Variants in NBPF11 observed in about 807,000 individuals in gnomAD.
NBPF11 encodes NBPF member 11.
In NBPF11, 72 loss-of-function variants were observed where a neutral mutation model predicts 93.9. The observed-to-expected ratio is 0.77, with a 90% CI of 0.63 to 0.93. NBPF11 has a LOEUF of 0.93. NBPF11 is among the 40% of genes least tolerant of loss of function. The pLI is 0.00. For missense variants in NBPF11, 705 were observed against 802.2 expected, an observed-to-expected ratio of 0.88 and a Z score of 1.46; for synonymous variants, 224 against 304.9, an observed-to-expected ratio of 0.73 and a Z score of 2.76.
chr1:148,132,317 T>A (rs1670533634), intron 4 of NBPF11, among the ~76,000 whole-genome samples: 2 of 144,668 alleles, frequency 1.4e-5, no homozygotes, highest in Non-Finnish European at 3.0e-5. Context: ...GAGTATCTAT[T>A]TCTGGATTCT....
intron 2 of NBPF11, among the ~76,000 whole-genome samples, chr1:148,142,797 G>A (rs1672411218): frequency 6.6e-6 from 1 of 151,908 alleles, no homozygotes; most frequent in African/African-American, 2.4e-5. Context: ...AAGGTCCTGG[G>A]GAACCAAGAA....
intron 1 of NBPF11, chr1:148,149,120 C>T (rs1260712243): frequency 3.2e-6 from 5 of 1,564,216 alleles, no homozygotes; most frequent in East Asian, 2.3e-5. Context: ...AGGGTGCGCG[C>T]GCGTTGGAGG....
chr1:148,106,368 G>C (rs1387228703), intron 20 of NBPF11, 136 bp from the exon 21 acceptor site: 13 of 704,518 alleles, frequency 1.8e-5, no homozygotes, highest in Non-Finnish European at 2.6e-5. Context: ...TATACTTCAG[G>C]AGGCCTGAAA....
rs1227202935 is a variant in NBPF11 at position 148,131,109 on chromosome 1, C to T, written c.-35-4071G>A. 6.7e-4 allele frequency among the ~76,000 whole-genome samples: 102 copies of T among 151,276 alleles called. 3 individuals carry two copies. The East Asian group carries it at 0.016, about 24-fold the overall frequency. The stretch of plus-strand genomic sequence containing the variant: ...GGCCAGGTCTCACTAACACAGGCCT[C>T]CCTAAAAACTGTTTCAGTAGCGACT... On this transcript the variant is annotated intron_variant, in intron 4 of 23. Coordinates refer to ENST00000682118, the MANE Select transcript of NBPF11 (RefSeq NM_001385469.3).
Position 148,149,290 on chromosome 1 carries a change from C to T in NBPF11, c.-549+2460G>A, listed in dbSNP as rs1357647694. 6.5e-4 allele frequency: 1,042 copies of T among 1,596,832 alleles called. 1 individual carries two copies. The highest frequency in any genetic ancestry group is 1.1e-3 in the Middle Eastern group (5 of 4,436). The stretch of plus-strand genomic sequence containing the variant: ...ACTCGCCGCTCACCTCGGGCATGCG[C>T]GTCGCCTTCCGCGACACCAAGAAGA... On this transcript the variant is annotated intron_variant, in intron 1 of 23. Coordinates refer to ENST00000682118, the MANE Select transcript of NBPF11 (RefSeq NM_001385469.3).
intron 7 of NBPF11, 22 bp downstream of exon 7, chr1:148,123,831 T>A (rs1435698740): frequency 1.0e-5 from 15 of 1,471,194 alleles, no homozygotes; most frequent in African/African-American, 8.4e-5. Context: ...TTTTGGGTCA[T>A]CAGGGCCTAT....
At chr1:148,104,454 C>T (rs1201842393) in intron 23 of NBPF11, 83 bp downstream of exon 23, 4 of 602,508 alleles carry the variant, frequency 6.6e-6, no homozygotes, top group Non-Finnish European at 1.2e-5. Flanking sequence ...GAAAACATGA[C>T]ATCAAACACA....
intron 17 of NBPF11, 82 bp downstream of exon 17, chr1:148,109,202 T>A: frequency 9.9e-7 from 1 of 1,010,470 alleles, no homozygotes; most frequent in East Asian, 2.4e-5. Flanking sequence ...AAATCATGAT[T>A]TTCAGCGTGT....
At chr1:148,113,206 T>C (rs4950456) in intron 15 of NBPF11, among the ~76,000 whole-genome samples, 1 of 151,972 alleles carries the variant, frequency 6.6e-6, no homozygotes, top group Non-Finnish European at 1.5e-5. Context: ...CCCATCAGTG[T>C]GCTGTACTCA....
chr1:148,105,715 A>AAGAC (rs1258789605), intron 21 of NBPF11, among the ~76,000 whole-genome samples, 187 bp from the exon 22 acceptor site: 1 of 34,130 alleles, frequency 2.9e-5, no homozygotes, highest in Non-Finnish European at 4.9e-5. Context: ...ATGAAAGAGA[A>AAGAC]AGACAGACAC....
intron 2 of NBPF11, among the ~76,000 whole-genome samples, chr1:148,138,297 A>T (rs1316429494): frequency 6.6e-6 from 1 of 150,454 alleles, no homozygotes; most frequent in Non-Finnish European, 1.5e-5. Flanking sequence ...TTGCCCAGGG[A>T]TGAGCAGGAG....
chr1:148,141,300 T>C (rs1348748873), intron 2 of NBPF11, among the ~76,000 whole-genome samples: 6 of 152,034 alleles, frequency 3.9e-5, no homozygotes, highest in Non-Finnish European at 7.3e-5. Context: ...CTATGGACTT[T>C]AGTTGATAAT....
intron 6 of NBPF11, among the ~76,000 whole-genome samples, chr1:148,124,522 G>A (rs1360385096): frequency 1.1e-4 from 17 of 151,194 alleles, no homozygotes; most frequent in Admixed American, 8.6e-4. Flanking sequence ...AACATTGATT[G>A]AGTGAAAGAA....
intron 20 of NBPF11, among the ~76,000 whole-genome samples, chr1:148,106,583 C>A (rs1336969111): frequency 7.1e-6 from 1 of 140,724 alleles, no homozygotes; most frequent in African/African-American, 2.9e-5. Context: ...ATGCCCAGCT[C>A]GTTCACGGAT....
intron 4 of NBPF11, among the ~76,000 whole-genome samples, chr1:148,133,530 T>G (rs1187600038): frequency 1.3e-5 from 2 of 152,134 alleles, no homozygotes; most frequent in African/African-American, 4.8e-5. Context: ...GGGTTTGTTT[T>G]TATAAATCAT....
intron 4 of NBPF11, among the ~76,000 whole-genome samples, chr1:148,132,579 C>T (rs1359879809): frequency 3.3e-5 from 5 of 149,634 alleles, no homozygotes; most frequent in South Asian, 2.1e-4. Flanking sequence ...GATCAATTTA[C>T]GAAGAACTGA....
chr1:148,141,514 G>C (rs1447497370), intron 2 of NBPF11, among the ~76,000 whole-genome samples: 1 of 152,048 alleles, frequency 6.6e-6, no homozygotes, highest in Non-Finnish European at 1.5e-5. Flanking sequence ...CCCATACCAA[G>C]GTTTTGGTGG....
chr1:148,105,713 G>A (rs1417883966), intron 21 of NBPF11, among the ~76,000 whole-genome samples, 185 bp from the exon 22 acceptor site: 2 of 44,338 alleles, frequency 4.5e-5, no homozygotes, highest in African/African-American at 1.5e-4. Context: ...GAATGAAAGA[G>A]AAAGACAGAC....
intron 5 of NBPF11, among the ~76,000 whole-genome samples, 161 bp downstream of exon 5, chr1:148,126,668 G>T (rs1477679631): frequency 1.3e-5 from 2 of 151,174 alleles, no homozygotes; most frequent in Admixed American, 6.6e-5. Context: ...ATGGAAAGTT[G>T]CTAAATACTT....
Sources: gnomAD v4.1 joint callset for allele counts (sites outside exome capture counted in the v4.1 genomes callset) on GRCh38, gnomAD v4.1.1 for gene constraint, MANE v1.5 for transcripts, NCBI Gene and HGNC (gene_info 2026-07-23, HGNC 2026-07-21) for gene names.